The following HEATR5B variants were observed in gnomAD, a reference collection of about 807,000 sequenced individuals.
The protein encoded by HEATR5B is HEAT repeat-containing protein 5B.
Under a neutral mutation model 224.1 loss-of-function variants are expected in HEATR5B, and 156 were observed. The observed-to-expected ratio is 0.70, with a 90% CI of 0.61 to 0.80. HEATR5B has a LOEUF of 0.80. Ranked by LOEUF, HEATR5B falls within the 30% of genes least tolerant of loss-of-function variation. The pLI is 0.00. For synonymous variants in HEATR5B, 1,027 were observed against 893.0 expected (o/e 1.15, Z -2.68); for missense variants, 2,323 against 2,535.5 (o/e 0.92, Z 1.80).
At position 37,028,022 on chromosome 2, in the gene HEATR5B, C is replaced by T; in HGVS notation, c.3754G>A (p.Ala1252Thr). Residue 1252 changes from alanine to threonine, a missense_variant, in exon 24 of 36, where the codon GCC (alanine) becomes ACC (threonine). By Grantham distance (58) the Ala-to-Thr change is moderately conservative. Transcript: ENST00000233099. The stretch of plus-strand genomic sequence containing the variant: ...TTGATGATTCGACACAGGCAATCGG[C>T]AGCAAATACTCGAGTGGCCCAGCGA... ...APRWATRVFA[A>T]DCLCRIINLC... 10 of 1,614,152 alleles carry T rather than the reference C, an allele frequency of 6.2e-6. No individual in the cohort carries two copies. The highest frequency in any genetic ancestry group is 8.5e-6 in the Non-Finnish European group (10 of 1,180,004).
Position 37,083,285 on chromosome 2 carries a change from A to G in HEATR5B, c.126+4T>C. ...GCAACTGGGAAAAAAGAGCAATACC[A>G]TACCTTGTTGGCAGCAACCAAGACT... is the stretch of plus-strand genomic sequence containing the variant. On this transcript the variant is annotated splice_donor_region_variant and intron_variant, in intron 2 of 35. Transcript: ENST00000233099. 1 of 1,614,028 alleles carries G rather than the reference A, an allele frequency of 6.2e-7. No homozygotes were observed. Among genetic ancestry groups the G allele is most frequent in the Non-Finnish European group, 8.5e-7 (1 of 1,179,952 alleles).
intron 24 of HEATR5B, among the ~76,000 whole-genome samples, chr2:37,023,834 G>C (rs576348274): frequency 1.3e-5 from 2 of 152,070 alleles, no homozygotes; most frequent in Non-Finnish European, 2.9e-5. Context: ...TTTGTGGGTG[G>C]GAGGCAAGCA....
intron 26 of HEATR5B, among the ~76,000 whole-genome samples, chr2:37,014,511 C>T (rs886411226): frequency 1.3e-5 from 2 of 151,818 alleles, no homozygotes; most frequent in Non-Finnish European, 2.9e-5. Context: ...TGTACTCCTA[C>T]GTAGAAAACA....
chr2:37,001,242 C>T (rs1007360210), intron 32 of HEATR5B, among the ~76,000 whole-genome samples: 2 of 151,982 alleles, frequency 1.3e-5, no homozygotes, highest in African/African-American at 4.8e-5. Context: ...CCTAATCAGA[C>T]CAGGAAAGTA....
chr2:37,058,964 A>G lies in HEATR5B; in HGVS notation c.1873T>C (p.Cys625Arg). ...ACATCTTCAGTTAGTAGCTCAGGACAATGTGCAACGAAGCTCCTCATGGCT... is the reference window on the plus strand; with the variant it reads ...ACATCTTCAGTTAGTAGCTCAGGACGATGTGCAACGAAGCTCCTCATGGCT... ...LCAMRSFVAHCPELLTEDVIR... is the reference protein window; with the variant it reads ...LCAMRSFVAHRPELLTEDVIR... The change falls in exon 13 of 36, where the codon TGT becomes CGT. Residue 625 changes from cysteine to arginine, a missense_variant. Cys to Arg is a radical substitution (Grantham distance 180). Coordinates refer to ENST00000233099, the MANE Select transcript of HEATR5B (RefSeq NM_019024.3). 6.2e-7 allele frequency: 1 copy of G among 1,609,126 alleles called. No individual in the cohort carries two copies. Among genetic ancestry groups the G allele is most frequent in the Non-Finnish European group, 8.5e-7 (1 of 1,176,934 alleles).
intron 24 of HEATR5B, among the ~76,000 whole-genome samples, chr2:37,024,914 A>T (rs1668676292): frequency 2.0e-5 from 3 of 152,162 alleles, no homozygotes; most frequent in African/African-American, 7.2e-5. Flanking sequence ...TCTTTTTTCT[A>T]AATCCTAGGA....
chr2:37,052,885 T>C (rs1158477952), intron 17 of HEATR5B, among the ~76,000 whole-genome samples: 2 of 152,230 alleles, frequency 1.3e-5, no homozygotes, highest in African/African-American at 4.8e-5. Flanking sequence ...CTCAGAATGT[T>C]GCACAATTGA....
rs573872537 is a variant in HEATR5B, at chr2:37,065,279, CAA to C, written c.1334-291_1334-290del. Among the ~76,000 whole-genome samples, 83 of 151,370 alleles carry C rather than the reference CAA, an allele frequency of 5.5e-4. No homozygotes were observed. The South Asian group carries it at 0.016, about 29-fold the overall frequency. On this transcript the variant is annotated intron_variant, in intron 9 of 35. Transcript: ENST00000233099. ...CCACAATTGCTTTTGATTTCTGTTC[CAA>C]AACTTTATTTAACCATTTAATTCAA... is the stretch of plus-strand genomic sequence containing the variant.
rs555060609 is a variant in HEATR5B at position 37,064,304 on chromosome 2, A to T, written c.1584+436T>A. Reference sequence around the variant, plus strand: ...GTTTTTTTTTTTTTTTTTTTTTGAGACAGGGTAGGTCTTGGTCTGTCACCC... The same window carrying T: ...GTTTTTTTTTTTTTTTTTTTTTGAGTCAGGGTAGGTCTTGGTCTGTCACCC... On this transcript the variant is annotated intron_variant, in intron 10 of 35. Transcript: ENST00000233099. Among the ~76,000 whole-genome samples, 16 of 129,162 alleles carry T rather than the reference A, an allele frequency of 1.2e-4. No homozygotes were observed. In the East Asian group the frequency reaches 3.2e-3, roughly 26 times the overall value. 84.7% of individuals were successfully genotyped at this position (129,162 alleles called of 152,430 possible).
At chr2:37,001,092 C>T (rs931812810) in intron 32 of HEATR5B, among the ~76,000 whole-genome samples, 1 of 151,988 alleles carries the variant, frequency 6.6e-6, no homozygotes, top group Non-Finnish European at 1.5e-5. Flanking sequence ...ATATTTCATG[C>T]CCTGTGTAAT....
chr2:37,020,314 T>C (rs1668388790), intron 25 of HEATR5B, among the ~76,000 whole-genome samples: 1 of 152,224 alleles, frequency 6.6e-6, no homozygotes, highest in South Asian at 2.1e-4. Flanking sequence ...CATATAAAAA[T>C]AACGGCAGCA....
intron 24 of HEATR5B, among the ~76,000 whole-genome samples, chr2:37,027,048 C>T (rs534472043): frequency 2.0e-5 from 3 of 152,330 alleles, no homozygotes; most frequent in African/African-American, 7.2e-5. Flanking sequence ...ATCCACCTGC[C>T]TCAGACTCCC....
chr2:37,027,950 G>A lies in HEATR5B; in HGVS notation c.3826C>T (p.Arg1276Cys). ...DQAHFDLALA[R>C]SAKLRNPTND... ...GTAGGGTTTCGAAGTTTAGCAGAACGTGCCAAGGCAAGATCAAAGTGAGCC... is the reference window on the plus strand; with the variant it reads ...GTAGGGTTTCGAAGTTTAGCAGAACATGCCAAGGCAAGATCAAAGTGAGCC... Residue 1276 changes from arginine (R) to cysteine (C), a missense_variant, in exon 24 of 36, where the codon CGT becomes TGT. Coordinates refer to ENST00000233099, the MANE Select transcript of HEATR5B (RefSeq NM_019024.3). 1.9e-6 allele frequency: 3 copies of A among 1,614,126 alleles called. No homozygotes were observed. The highest frequency in any genetic ancestry group is 2.5e-6 in the Non-Finnish European group (3 of 1,179,956).
intron 33 of HEATR5B, among the ~76,000 whole-genome samples, chr2:36,995,954 G>A (rs1323156171): frequency 6.6e-6 from 1 of 151,240 alleles, no homozygotes; most frequent in Non-Finnish European, 1.5e-5. Context: ...GGTGCGATCT[G>A]GGCTCACTGC....
chr2:37,029,635 G>C (rs945228233), intron 22 of HEATR5B, among the ~76,000 whole-genome samples: 43 of 151,572 alleles, frequency 2.8e-4, no homozygotes, highest in Non-Finnish European at 1.6e-4. Flanking sequence ...TTGCACTCCA[G>C]CCTGGACCAC....
chr2:36,981,648 C>T lies in HEATR5B; in HGVS notation c.6058G>A (p.Ala2020Thr), dbSNP rs767524357. ...GCAGCCCCCATTACTGTCTTGAAAG[C>T]ATGTGGATACAGAGGTCCAATATGC... ...LMHIGPLYPH[A>T]FKTVMGAAPE... Residue 2020 changes from alanine to threonine, a missense_variant, in exon 36 of 36, where the codon GCT becomes ACT. Physicochemically the swap from Ala to Thr is moderately conservative, Grantham distance 58 (BLOSUM62 0). Coordinates refer to ENST00000233099, the MANE Select transcript of HEATR5B (RefSeq NM_019024.3). 3.7e-6 allele frequency: 6 copies of T among 1,613,986 alleles called. No individual in the cohort carries two copies. Among genetic ancestry groups the T allele is most frequent in the South Asian group, 1.1e-5 (1 of 91,084 alleles).
Position 37,014,031 on chromosome 2 carries a change from A to G in HEATR5B, c.4105-11T>C. On this transcript the variant is annotated splice_polypyrimidine_tract_variant and intron_variant, in intron 26 of 35. Coordinates refer to ENST00000233099, the MANE Select transcript of HEATR5B (RefSeq NM_019024.3). ...CCATGTACTACATACCTAGACAAAG[A>G]GAATTCAAAAACTTTTGTGTAAAAA... 6.7e-7 allele frequency: 1 copy of G among 1,486,658 alleles called. No homozygotes were observed. The highest frequency in any genetic ancestry group is 9.0e-7 in the Non-Finnish European group (1 of 1,106,754). 92.1% of individuals were successfully genotyped at this position (1,486,658 alleles called of 1,614,324 possible).
chr2:37,080,908 A>G (rs931740955), intron 2 of HEATR5B, among the ~76,000 whole-genome samples: 6 of 152,274 alleles, frequency 3.9e-5, no homozygotes, highest in Middle Eastern at 3.4e-3. Context: ...CTTCACACAA[A>G]CTGTGCAAAG....
chr2:37,081,005 A>C (rs1259672449), intron 2 of HEATR5B, among the ~76,000 whole-genome samples: 1 of 152,240 alleles, frequency 6.6e-6, no homozygotes, highest in African/African-American at 2.4e-5. Flanking sequence ...TCTTGTATTT[A>C]TCAATTTCAG....
Sources: allele counts gnomAD v4.1 joint callset (sites outside exome capture counted in the v4.1 genomes callset), GRCh38; gene constraint gnomAD v4.1.1; transcripts MANE v1.5; gene names NCBI Gene and HGNC (gene_info 2026-07-23, HGNC 2026-07-21).